The following NELL1 variants were observed in gnomAD, a reference collection of about 807,000 sequenced individuals.
The protein encoded by NELL1 is neural EGFL like 1.
A neutral mutation model predicts 107.4 loss-of-function variants in NELL1; 76 were observed. That is an observed-to-expected ratio of 0.71 (90% CI 0.59 to 0.86). NELL1 has a LOEUF of 0.86. Ranked by LOEUF, NELL1 falls within the 40% of genes least tolerant of loss-of-function variation. The pLI is 0.00. For synonymous variants in NELL1, 353 were observed against 341.2 expected, an observed-to-expected ratio of 1.03 and a Z score of -0.38; for missense variants, 1,024 against 1,005.5, an observed-to-expected ratio of 1.02 and a Z score of -0.25.
intron 15 of NELL1, among the ~76,000 whole-genome samples, chr11:21,486,709 A>C (rs960750874): frequency 6.6e-5 from 10 of 152,184 alleles, no homozygotes; most frequent in African/African-American, 2.4e-4. Flanking sequence ...GAATTCTGAA[A>C]AATGATACAG....
chr11:20,867,886 A>T (rs1267333898), intron 4 of NELL1, among the ~76,000 whole-genome samples: 1 of 152,208 alleles, frequency 6.6e-6, no homozygotes, highest in Non-Finnish European at 1.5e-5. Context: ...AAAGAGTCTC[A>T]AAATTCCATT....
intron 13 of NELL1, among the ~76,000 whole-genome samples, chr11:21,146,765 G>T (rs910821085): frequency 6.6e-6 from 1 of 151,968 alleles, no homozygotes; most frequent in Non-Finnish European, 1.5e-5. Flanking sequence ...CACTTTGGCC[G>T]GGTGCGGTGA....
At chr11:21,333,731 T>C (rs1302173422) in intron 14 of NELL1, among the ~76,000 whole-genome samples, 1 of 152,038 alleles carries the variant, frequency 6.6e-6, no homozygotes, top group Non-Finnish European at 1.5e-5. Context: ...GGAGACCTAG[T>C]AGTGATTGTG....
chr11:20,705,391 C>A (rs191920143), intron 2 of NELL1, among the ~76,000 whole-genome samples: 1 of 151,894 alleles, frequency 6.6e-6, no homozygotes, highest in Non-Finnish European at 1.5e-5. Flanking sequence ...CTTTGACAAA[C>A]CTGACAAAAA....
At chr11:21,461,991 A>T (rs1039133681) in intron 15 of NELL1, among the ~76,000 whole-genome samples, 1 of 152,124 alleles carries the variant, frequency 6.6e-6, no homozygotes, top group Non-Finnish European at 1.5e-5. Context: ...TGATCCGAAA[A>T]TAAACTGGGA....
chr11:21,451,383 C>G (rs1052658551), intron 15 of NELL1, among the ~76,000 whole-genome samples: 8 of 152,104 alleles, frequency 5.3e-5, no homozygotes, highest in Admixed American at 4.6e-4. Context: ...ATTGGTTCAG[C>G]AATTCAGAAA....
At chr11:21,097,256 A>G (rs1854666158) in intron 12 of NELL1, among the ~76,000 whole-genome samples, 1 of 152,126 alleles carries the variant, frequency 6.6e-6, no homozygotes, top group Admixed American at 6.5e-5. Flanking sequence ...ACATTGTTGG[A>G]TATAAAATGC....
At chr11:21,194,995 C>T (rs549602636) in intron 13 of NELL1, among the ~76,000 whole-genome samples, 75 of 152,138 alleles carry the variant, frequency 4.9e-4, no homozygotes, top group African/African-American at 1.6e-3. Context: ...AGAGTGTGAG[C>T]GTCGGGGAGA....
intron 13 of NELL1, among the ~76,000 whole-genome samples, chr11:21,124,901 A>G (rs1855454908): frequency 6.6e-6 from 1 of 152,048 alleles, no homozygotes; most frequent in African/African-American, 2.4e-5. Context: ...GTGCCTGGCC[A>G]GATGATGTTT....
intron 2 of NELL1, among the ~76,000 whole-genome samples, chr11:20,705,967 T>C (rs1411984702): frequency 2.0e-5 from 3 of 152,198 alleles, no homozygotes; most frequent in Non-Finnish European, 4.4e-5. Context: ...CACAATGAGA[T>C]ACCGTCTCAC....
At chr11:21,229,239 A>G in intron 13 of NELL1, 93 bp from the exon 14 acceptor site, 3 of 1,450,552 alleles carry the variant, frequency 2.1e-6, no homozygotes, top group Non-Finnish European at 1.9e-6. Flanking sequence ...AGTCACTGTC[A>G]TTCTTATTTG....
intron 9 of NELL1, 82 bp from the exon 10 acceptor site, chr11:20,937,704 A>C: frequency 1.1e-6 from 1 of 923,660 alleles, no homozygotes; most frequent in Non-Finnish European, 1.8e-6. Flanking sequence ...TTTCTGTGGA[A>C]TCTATTGGAG....
intron 15 of NELL1, among the ~76,000 whole-genome samples, chr11:21,411,752 A>G (rs1852382083): frequency 6.6e-6 from 1 of 152,106 alleles, no homozygotes; most frequent in African/African-American, 2.4e-5. Context: ...CAGGTGAGAT[A>G]AATGATTCAG....
intron 15 of NELL1, among the ~76,000 whole-genome samples, chr11:21,389,183 T>G (rs1044038892): frequency 6.6e-6 from 1 of 151,818 alleles, no homozygotes; most frequent in African/African-American, 2.4e-5. Context: ...ATGCCCTTAT[T>G]ATTCTCTCTT....
intron 3 of NELL1, among the ~76,000 whole-genome samples, chr11:20,843,622 G>T (rs1848656166): frequency 1.2e-5 from 1 of 84,810 alleles, no homozygotes; most frequent in African/African-American, 3.1e-5. Context: ...ATAAATATAT[G>T]AATATAAAAT....
chr11:20,953,323 G>C (rs1851105486), intron 11 of NELL1, among the ~76,000 whole-genome samples: 1 of 152,162 alleles, frequency 6.6e-6, no homozygotes. Context: ...GGAGATTGAG[G>C]AACTATTAGT....
intron 2 of NELL1, among the ~76,000 whole-genome samples, chr11:20,730,553 G>A (rs1450070362): frequency 4.6e-5 from 7 of 152,070 alleles, no homozygotes; most frequent in Admixed American, 2.6e-4. Flanking sequence ...CCACACCTTG[G>A]GCTTGGCTCA....
intron 17 of NELL1, among the ~76,000 whole-genome samples, chr11:21,561,193 C>T (rs971311741): frequency 1.3e-5 from 2 of 151,990 alleles, no homozygotes; most frequent in Non-Finnish European, 2.9e-5. Flanking sequence ...AAATTACTTG[C>T]TTAGTAGCCT....
At chr11:20,992,526 G>T (rs556239409) in intron 12 of NELL1, among the ~76,000 whole-genome samples, 84 of 152,222 alleles carry the variant, frequency 5.5e-4, no homozygotes, top group Non-Finnish European at 5.4e-4. Context: ...TCTGTTCATA[G>T]TTTTTTGTCA....
Sources: allele counts gnomAD v4.1 joint callset (sites outside exome capture counted in the v4.1 genomes callset), GRCh38; gene constraint gnomAD v4.1.1; transcripts MANE v1.5; gene names NCBI Gene and HGNC (gene_info 2026-07-23, HGNC 2026-07-21).